BCKDHB: variants seen among roughly 807,000 people sequenced by gnomAD.
The protein encoded by BCKDHB is 2-oxoisovalerate dehydrogenase subunit beta, mitochondrial.
BCKDHB carries 41 observed loss-of-function variants against 48.5 expected under a neutral mutation model. The observed-to-expected ratio is 0.85, with a 90% confidence interval of 0.66 to 1.10. The LOEUF (loss-of-function observed/expected upper bound fraction) is 1.10, where lower values mean the gene tolerates loss of function less well. Among genes scored for constraint, BCKDHB ranks in the 50% least tolerant of loss-of-function variants. BCKDHB has a pLI of 0.00. For synonymous variants in BCKDHB, 201 were observed against 174.8 expected, an observed-to-expected ratio of 1.15 and a Z score of -1.18; for missense variants, 496 against 494.2, an observed-to-expected ratio of 1.00 and a Z score of -0.03.
chr6:80,335,014 T>C (rs1010310786), intron 9 of BCKDHB, among the ~76,000 whole-genome samples: 4 of 151,890 alleles, frequency 2.6e-5, no homozygotes, highest in Non-Finnish European at 2.9e-5. Flanking sequence ...AGTTTCGTTT[T>C]GTAATTAGTC....
intron 8 of BCKDHB, among the ~76,000 whole-genome samples, chr6:80,246,815 G>A (rs1365736796): frequency 6.6e-6 from 1 of 151,874 alleles, no homozygotes; most frequent in Admixed American, 6.6e-5. Flanking sequence ...CCAGCCCCAT[G>A]CTGACACACA....
intron 5 of BCKDHB, chr6:80,169,859 G>T (rs750227425): frequency 6.2e-7 from 1 of 1,606,806 alleles, no homozygotes; most frequent in East Asian, 2.2e-5. Flanking sequence ...CCTGATTTTT[G>T]AATGTGAGCT....
chr6:80,290,455 C>A lies in BCKDHB; in HGVS notation c.1038+17234C>A, dbSNP rs1356011278. ...CCTGGTGAGGGGGCCATGTCTCTCCCCCGCCCACTGCGGAGCATGCCTGGG... is the reference window on the plus strand; with the variant it reads ...CCTGGTGAGGGGGCCATGTCTCTCCACCGCCCACTGCGGAGCATGCCTGGG... On this transcript the variant is annotated intron_variant, in intron 9 of 9. Transcript: ENST00000320393. 2.0e-5 allele frequency among the ~76,000 whole-genome samples: 3 copies of A among 152,310 alleles called. No individual in the cohort carries two copies. The East Asian group carries it at 5.8e-4, about 29-fold the overall frequency.
chr6:80,203,399 T>C (rs150028100), intron 8 of BCKDHB, among the ~76,000 whole-genome samples, 187 bp downstream of exon 8: 1 of 152,232 alleles, frequency 6.6e-6, no homozygotes, highest in East Asian at 1.9e-4. Context: ...CAAATCACTA[T>C]AGAATTTATT....
chr6:80,326,225 A>G (rs1288307706), intron 9 of BCKDHB, among the ~76,000 whole-genome samples: 1 of 152,182 alleles, frequency 6.6e-6, no homozygotes, highest in Non-Finnish European at 1.5e-5. Context: ...ATGTGGGGAT[A>G]CATTTTTCAG....
rs145612838 is a variant in BCKDHB, at chr6:80,296,183, A to G, written c.1038+22962A>G. Reference sequence around the variant, plus strand: ...TCTATTCTAATGTTACAATCACCATAGTTATCAGAAACCTGCATTTAAGTG... The same window carrying G: ...TCTATTCTAATGTTACAATCACCATGGTTATCAGAAACCTGCATTTAAGTG... On this transcript the variant is annotated intron_variant, in intron 9 of 9. Transcript: ENST00000320393. Among the ~76,000 whole-genome samples, 48 of 152,308 alleles carry G rather than the reference A, an allele frequency of 3.2e-4. 1 individual carries two copies. In the East Asian group the frequency reaches 8.7e-3, roughly 28 times the overall value.
the BCKDHB span, among the ~76,000 whole-genome samples, chr6:80,434,430 A>T: frequency 6.6e-6 from 1 of 151,748 alleles, no homozygotes; most frequent in African/African-American, 2.4e-5. Flanking sequence ...TGCTAATTTT[A>T]TCACCTCTGT....
intron 9 of BCKDHB, among the ~76,000 whole-genome samples, chr6:80,314,535 C>A (rs530544940): frequency 6.6e-6 from 1 of 152,338 alleles, no homozygotes; most frequent in Admixed American, 6.5e-5. Context: ...TGGCTGGAGA[C>A]CCCAAGTGGG....
chr6:80,199,771 CAAAAAA>C (rs35186066), intron 6 of BCKDHB, among the ~76,000 whole-genome samples: 2 of 35,740 alleles, frequency 5.6e-5, no homozygotes, highest in South Asian at 1.7e-3. Flanking sequence ...GACTCTGTCT[CAAAAAA>C]AAAAAAAAAA....
chr6:80,162,237 A>C (rs1772352827), intron 3 of BCKDHB, among the ~76,000 whole-genome samples: 1 of 152,000 alleles, frequency 6.6e-6, no homozygotes, highest in South Asian at 2.1e-4. Flanking sequence ...CCTTATTGTT[A>C]GGTAATAATT....
chr6:80,427,390 C>A, the BCKDHB span, among the ~76,000 whole-genome samples: 1 of 151,916 alleles, frequency 6.6e-6, no homozygotes, highest in African/African-American at 2.4e-5. Context: ...CCATTCCAAC[C>A]TTTTTGCTAT....
intron 3 of BCKDHB, among the ~76,000 whole-genome samples, chr6:80,133,750 C>T (rs1770745749): frequency 6.6e-6 from 1 of 152,068 alleles, no homozygotes; most frequent in Non-Finnish European, 1.5e-5. Context: ...TCAAGCAATT[C>T]TCCTGCCTCA....
At chr6:80,266,511 C>T (rs561112318) in intron 8 of BCKDHB, among the ~76,000 whole-genome samples, 1 of 151,948 alleles carries the variant, frequency 6.6e-6, no homozygotes, top group African/African-American at 2.4e-5. Context: ...CCATTGTGAC[C>T]TTTTTTCAGT....
At chr6:80,119,578 C>T (rs1022695792) in intron 1 of BCKDHB, among the ~76,000 whole-genome samples, 1 of 152,146 alleles carries the variant, frequency 6.6e-6, no homozygotes, top group Non-Finnish European at 1.5e-5. Flanking sequence ...CCCCCTTGGC[C>T]TCACAAAGTG....
intron 3 of BCKDHB, among the ~76,000 whole-genome samples, chr6:80,151,945 C>T (rs527685616): frequency 5.9e-5 from 9 of 152,126 alleles, no homozygotes; most frequent in African/African-American, 1.7e-4. Flanking sequence ...CTGGTGTTGA[C>T]GTAGGTACTG....
chr6:80,439,950 C>CT, the BCKDHB span, among the ~76,000 whole-genome samples: 1 of 152,122 alleles, frequency 6.6e-6, no homozygotes, highest in Non-Finnish European at 1.5e-5. Flanking sequence ...AGTATAATGC[C>CT]TTTTTTGGCA....
chr6:80,281,825 T>A (rs887622723), intron 9 of BCKDHB, among the ~76,000 whole-genome samples: 1 of 151,434 alleles, frequency 6.6e-6, no homozygotes, highest in Non-Finnish European at 1.5e-5. Context: ...ACCTGACCTC[T>A]TTTTTCCATT....
At chr6:80,274,637 A>G (rs968415878) in intron 9 of BCKDHB, among the ~76,000 whole-genome samples, 2 of 152,036 alleles carry the variant, frequency 1.3e-5, no homozygotes, top group African/African-American at 4.8e-5. Flanking sequence ...TGATATCTCA[A>G]AAGTTTCAAT....
intron 6 of BCKDHB, among the ~76,000 whole-genome samples, chr6:80,189,456 C>T (rs1773795276): frequency 6.6e-6 from 1 of 152,124 alleles, no homozygotes; most frequent in Admixed American, 6.5e-5. Flanking sequence ...CATTGCTATA[C>T]AGGCAGTGAC....
Sources: gnomAD v4.1 joint callset for allele counts (sites outside exome capture counted in the v4.1 genomes callset) on GRCh38, gnomAD v4.1.1 for gene constraint, MANE v1.5 for transcripts, NCBI Gene and HGNC (gene_info 2026-07-23, HGNC 2026-07-21) for gene names.